Variants in MTCH2 observed in about 807,000 individuals in gnomAD.
MTCH2 encodes the protein mitochondrial carrier 2, also known as mitochondrial carrier homolog 2.
Under a neutral mutation model 50.6 loss-of-function variants are expected in MTCH2, and 25 were observed. That is an observed-to-expected ratio of 0.49 (90% CI 0.36 to 0.69). MTCH2 has a LOEUF of 0.69. Among genes scored for constraint, MTCH2 ranks in the 30% least tolerant of loss-of-function variants. MTCH2 has a pLI of 0.00. For synonymous variants in MTCH2, 106 were observed against 132.0 expected (o/e 0.80, Z 1.35); for missense variants, 273 against 384.4 (o/e 0.71, Z 2.42).
chr11:47,631,007 C>CT (rs1435652898), intron 7 of MTCH2, 29 bp downstream of exon 7: 25 of 1,570,204 alleles, frequency 1.6e-5, no homozygotes, highest in Non-Finnish European at 2.2e-5. Context: ...AAAAGATCTC[C>CT]TTGAGTATGT....
intron 11 of MTCH2, 107 bp from the exon 12 acceptor site, chr11:47,622,883 G>T (rs1432626078): frequency 1.0e-5 from 7 of 673,322 alleles, no homozygotes; most frequent in African/African-American, 1.9e-5. Context: ...TTCCCTGAGA[G>T]ATCATTTTAG....
intron 1 of MTCH2, among the ~76,000 whole-genome samples, chr11:47,642,118 G>A (rs1463504631): frequency 1.3e-5 from 2 of 152,188 alleles, no homozygotes; most frequent in Non-Finnish European, 2.9e-5. Flanking sequence ...AGGATCCGCC[G>A]GGCAGGGCAG....
At chr11:47,633,033 T>C (rs553342368) in intron 5 of MTCH2, among the ~76,000 whole-genome samples, 17 of 150,426 alleles carry the variant, frequency 1.1e-4, no homozygotes, top group Non-Finnish European at 1.9e-4. Context: ...CCTCACCCCT[T>C]CTCCAAGGGC....
At chr11:47,622,662 A>G in intron 12 of MTCH2, 39 bp downstream of exon 12, 1 of 1,449,074 alleles carries the variant, frequency 6.9e-7, no homozygotes, top group Non-Finnish European at 9.4e-7. Flanking sequence ...AATAAAAATA[A>G]AACAAAATAA....
intron 1 of MTCH2, among the ~76,000 whole-genome samples, chr11:47,642,138 G>C (rs1251398541): frequency 6.6e-6 from 1 of 152,124 alleles, no homozygotes; most frequent in African/African-American, 2.4e-5. Flanking sequence ...GGGCCGGGTG[G>C]CGGTTGGCTA....
intron 3 of MTCH2, among the ~76,000 whole-genome samples, chr11:47,636,556 AC>A (rs1391299030): frequency 1.3e-5 from 2 of 151,012 alleles, no homozygotes; most frequent in Admixed American, 6.6e-5. Flanking sequence ...ACATGGCGAA[AC>A]CCCCTCTCTA....
chr11:47,636,385 G>A lies in MTCH2; in HGVS notation c.280-814C>T, dbSNP rs183629458. Among the ~76,000 whole-genome samples, 10 of 151,870 alleles carry A rather than the reference G, an allele frequency of 6.6e-5. No individual in the cohort carries two copies. In the South Asian group the frequency reaches 8.3e-4, roughly 13 times the overall value. ...GGGGGTAAAGACTGCAGTGAGCTGA[G>A]ATCACATCACTGCACTCCAGCCTGG... On this transcript the variant is annotated intron_variant, in intron 3 of 12. Coordinates refer to ENST00000302503, the MANE Select transcript of MTCH2 (RefSeq NM_014342.4).
chr11:47,634,357 G>A (rs2097306523), intron 5 of MTCH2, among the ~76,000 whole-genome samples: 1 of 152,144 alleles, frequency 6.6e-6, no homozygotes, highest in Non-Finnish European at 1.5e-5. Context: ...TGGGATTACA[G>A]GCGTGAGCCA....
intron 10 of MTCH2, 21 bp downstream of exon 10, chr11:47,627,057 TAA>T (rs778474643): frequency 1.3e-6 from 2 of 1,553,108 alleles, no homozygotes; most frequent in African/African-American, 2.8e-5. Context: ...CCTAGAAGGT[TAA>T]AAGGATTTTA....
chr11:47,622,056 G>T (rs935497279), intron 12 of MTCH2, among the ~76,000 whole-genome samples: 1 of 151,734 alleles, frequency 6.6e-6, no homozygotes, highest in Admixed American at 6.6e-5. Flanking sequence ...TAGCAATGAG[G>T]TCTCATCATG....
In MTCH2 at chr11:47,625,751, G is replaced by A. The variant is rs911325180; in HGVS notation, c.682-10C>T. 1.3e-6 allele frequency: 2 copies of A among 1,543,228 alleles called. No individual in the cohort carries two copies. Among genetic ancestry groups the A allele is most frequent in the African/African-American group, 3.0e-5 (2 of 67,606 alleles). ...ACATACTCGCAAAAAACTGTAAAAT[G>A]GAAACAAGGCAGCTGTTATTAGATC... On this transcript the variant is annotated splice_polypyrimidine_tract_variant and intron_variant, in intron 10 of 12. Coordinates refer to ENST00000302503, the MANE Select transcript of MTCH2 (RefSeq NM_014342.4).
chr11:47,626,955 C>A, intron 10 of MTCH2, 125 bp downstream of exon 10: 1 of 716,552 alleles, frequency 1.4e-6, no homozygotes, highest in African/African-American at 1.8e-5. Context: ...TAACAAATTT[C>A]AGGGAGATGT....
At chr11:47,631,732 C>T in intron 5 of MTCH2, 21 bp from the exon 6 acceptor site, 1 of 1,613,504 alleles carries the variant, frequency 6.2e-7, no homozygotes. Flanking sequence ...TCAACACACA[C>T]TTCTGAAATC....
rs561185280 is a variant in MTCH2, at chr11:47,636,453, C to T, written c.280-882G>A. Among the ~76,000 whole-genome samples the T allele has an allele frequency of 4.0e-5, 6 of 148,430 alleles. No homozygotes were observed. The South Asian group carries it at 1.1e-3, about 27-fold the overall frequency. The stretch of plus-strand genomic sequence containing the variant: ...CATCTCAGAAAAAAAGAAAAGGGGC[C>T]GGGCATGGTGCCTCACGCCTGTAAT... On this transcript the variant is annotated intron_variant, in intron 3 of 12. Coordinates refer to ENST00000302503, the MANE Select transcript of MTCH2 (RefSeq NM_014342.4).
intron 9 of MTCH2, among the ~76,000 whole-genome samples, chr11:47,628,406 A>T (rs1022393894): frequency 6.6e-6 from 1 of 152,294 alleles, no homozygotes; most frequent in Non-Finnish European, 1.5e-5. Context: ...TCTCTTGGGT[A>T]TACTCTGTCA....
intron 6 of MTCH2, 93 bp from the exon 7 acceptor site, chr11:47,631,180 G>A: frequency 2.0e-6 from 2 of 998,858 alleles, no homozygotes; most frequent in Middle Eastern, 2.7e-4. Context: ...AGGCCGAGGT[G>A]GGCGGATCAC....
At chr11:47,605,511 A>G in the MTCH2 span, among the ~76,000 whole-genome samples, 1 of 152,054 alleles carries the variant, frequency 6.6e-6, no homozygotes, top group African/African-American at 2.4e-5. Context: ...AAGTTATTTT[A>G]GAATCTTGAC....
In MTCH2 at chr11:47,636,592, C is replaced by T. The variant is rs1279200793; in HGVS notation, c.280-1021G>A. Reference sequence around the variant, plus strand: ...ACTAAAAATACAAAAATTAGCTGGGCGTGGTGGTAGGTGCCTGTAATCCCA... The same window carrying T: ...ACTAAAAATACAAAAATTAGCTGGGTGTGGTGGTAGGTGCCTGTAATCCCA... On this transcript the variant is annotated intron_variant, in intron 3 of 12. Coordinates refer to ENST00000302503, the MANE Select transcript of MTCH2 (RefSeq NM_014342.4). 7.9e-5 allele frequency among the ~76,000 whole-genome samples: 12 copies of T among 151,660 alleles called. No individual in the cohort carries two copies. The East Asian group carries it at 2.1e-3, about 27-fold the overall frequency.
intron 5 of MTCH2, among the ~76,000 whole-genome samples, chr11:47,633,518 ATATATATATTTT>A (rs1450084952): frequency 1.6e-4 from 3 of 18,818 alleles, no homozygotes; most frequent in East Asian, 1.5e-3. Context: ...ATATATATAT[ATATATATATTTT>A]TTTTTTTTTT....
Sources: allele counts gnomAD v4.1 joint callset (sites outside exome capture counted in the v4.1 genomes callset), GRCh38; gene constraint gnomAD v4.1.1; transcripts MANE v1.5; gene names NCBI Gene and HGNC (gene_info 2026-07-23, HGNC 2026-07-21).